The following RPRD2 variants were observed in gnomAD, a reference collection of about 807,000 sequenced individuals.
RPRD2 encodes the protein regulation of nuclear pre-mRNA domain-containing protein 2.
A neutral mutation model predicts 104.4 loss-of-function variants in RPRD2; 12 were observed. The observed-to-expected ratio is 0.11, with a 90% CI of 0.07 to 0.19. RPRD2 has a LOEUF of 0.19. Ranked by LOEUF, RPRD2 falls within the 10% of genes least tolerant of loss-of-function variation. RPRD2 has a pLI of 1.00. For missense variants in RPRD2, 1,543 were observed against 1,790.1 expected (o/e 0.86, Z 2.49); for synonymous variants, 714 against 684.9 (o/e 1.04, Z -0.66).
chr1:150,440,120 A>G lies in RPRD2; in HGVS notation c.336-803A>G, dbSNP rs61817549. ...GCCACCACATGTGGCTAATTTTTTC[A>G]TTTTTAGTAGAGATAAGGTCTCTCT... On this transcript the variant is annotated intron_variant, in intron 2 of 10. Transcript: ENST00000369068. Among the ~76,000 whole-genome samples, 1,031 of 152,144 alleles carry G rather than the reference A, an allele frequency of 6.8e-3. 3 individuals are homozygous for G. The highest frequency in any genetic ancestry group is 0.012 in the Admixed American group (186 of 15,270).
chr1:150,383,544 T>G (rs1553881221), intron 1 of RPRD2, among the ~76,000 whole-genome samples: 3 of 152,014 alleles, frequency 2.0e-5, no homozygotes, highest in African/African-American at 7.2e-5. Context: ...CTTGAACTCC[T>G]GACCTCAGGT....
At chr1:150,417,489 A>AAAAAAAAATACCATGTAAG (rs1553888786) in intron 1 of RPRD2, 107 bp from the exon 2 acceptor site, 1 of 129,214 alleles carries the variant, frequency 7.7e-6, no homozygotes, top group Non-Finnish European at 1.3e-5. Context: ...TCCATGTAAG[A>AAAAAAAAATACCATGTAAG]AAAAAAAAAT....
rs769547651 is a variant in RPRD2 at position 150,473,110 on chromosome 1, G to A, written c.4162G>A (p.Gly1388Arg). 18 of 1,613,890 alleles carry A rather than the reference G, an allele frequency of 1.1e-5. No individual in the cohort carries two copies. The highest frequency in any genetic ancestry group is 1.5e-5 in the Non-Finnish European group (18 of 1,179,896). ...GGGCCCACCCCATGGAGGAGGAGGT[G>A]GGGGAGGCAGCAACAGCAGCAGTGG... ...HLGPPHGGGG[G>R]GGSNSSSGPP... The change falls in exon 11 of 11, where the codon GGG becomes AGG. Residue 1388 changes from glycine (G) to arginine (R), a missense_variant. This residue lies in a region of RPRD2 where 880 missense variants were observed against 885.6 expected (regional missense o/e 0.99). Transcript: ENST00000369068.
chr1:150,408,311 C>T (rs1206898992), intron 1 of RPRD2, among the ~76,000 whole-genome samples: 2 of 151,602 alleles, frequency 1.3e-5, no homozygotes, highest in Non-Finnish European at 2.9e-5. Context: ...ATTGCAGGTA[C>T]CCGCCACCAC....
intron 7 of RPRD2, among the ~76,000 whole-genome samples, chr1:150,449,945 A>C (rs1553896233): frequency 6.6e-6 from 1 of 151,910 alleles, no homozygotes; most frequent in Non-Finnish European, 1.5e-5. Context: ...GTCCTTTCTG[A>C]ATTTTCCATC....
At chr1:150,452,072 G>A (rs1350221816) in intron 7 of RPRD2, among the ~76,000 whole-genome samples, 9 of 149,848 alleles carry the variant, frequency 6.0e-5, no homozygotes, top group Admixed American at 2.0e-4. Context: ...AACCCAGGAG[G>A]CAGAGGTTGC....
intron 1 of RPRD2, among the ~76,000 whole-genome samples, chr1:150,389,122 G>A (rs1013826434): frequency 1.3e-5 from 2 of 151,994 alleles, no homozygotes; most frequent in East Asian, 1.9e-4. Flanking sequence ...CTGCAGCCTC[G>A]ACCTCTCGGG....
intron 1 of RPRD2, among the ~76,000 whole-genome samples, chr1:150,404,706 G>A (rs899406502): frequency 6.6e-6 from 1 of 152,126 alleles, no homozygotes; most frequent in African/African-American, 2.4e-5. Context: ...GTAGGCCTAA[G>A]CAGTACTCTT....
At chr1:150,395,829 A>G (rs1420285132) in intron 1 of RPRD2, among the ~76,000 whole-genome samples, 1 of 152,078 alleles carries the variant, frequency 6.6e-6, no homozygotes, top group Non-Finnish European at 1.5e-5. Context: ...TTTTCATATA[A>G]TGACTTCTTT....
In RPRD2 at chr1:150,471,255, A is replaced by G. The variant is rs1010754620; in HGVS notation, c.2307A>G (p.Ser769=). ...CCTCAACACCCAGCAGTACAAGATC[A>G]CCACCCCCTGGGAGAGATGAAAGCT... ...PGSSTPSSTR[S]PPPGRDESYP... The change falls in exon 11 of 11, where the codon TCA becomes TCG. Residue 769 remains serine, a synonymous_variant. Coordinates refer to ENST00000369068, the MANE Select transcript of RPRD2 (RefSeq NM_015203.5). The surrounding 1 kb of genome is among the most constrained non-coding windows in gnomAD (Gnocchi z 5.3). 5.0e-6 allele frequency: 8 copies of G among 1,613,676 alleles called. No homozygotes were observed. In the African/African-American group the frequency reaches 6.7e-5, roughly 13 times the overall value.
At chr1:150,453,335 T>C (rs781864989) in intron 7 of RPRD2, among the ~76,000 whole-genome samples, 1 of 152,194 alleles carries the variant, frequency 6.6e-6, no homozygotes, top group African/African-American at 2.4e-5. Flanking sequence ...CTGGCCTCAG[T>C]GTTTTTACTT....
chr1:150,373,306 G>A (rs1008730173), intron 1 of RPRD2, among the ~76,000 whole-genome samples: 2 of 151,850 alleles, frequency 1.3e-5, no homozygotes, highest in African/African-American at 4.8e-5. Flanking sequence ...GAGCCACCAC[G>A]CCTGGCACTC....
intron 1 of RPRD2, among the ~76,000 whole-genome samples, chr1:150,404,641 G>T (rs1398379707): frequency 6.6e-6 from 1 of 152,028 alleles, no homozygotes; most frequent in Non-Finnish European, 1.5e-5. Flanking sequence ...TTGAAATGGG[G>T]TCTCCCTATG....
chr1:150,409,685 T>G (rs1345366995), intron 1 of RPRD2, among the ~76,000 whole-genome samples: 2 of 147,228 alleles, frequency 1.4e-5, no homozygotes, highest in African/African-American at 4.9e-5. Context: ...GTCTTGCTCT[T>G]TCACCCAGGC....
intron 7 of RPRD2, among the ~76,000 whole-genome samples, chr1:150,455,330 C>T (rs939944118): frequency 3.9e-5 from 6 of 151,958 alleles, no homozygotes. Flanking sequence ...GGTGAAACCC[C>T]GTCTCTACTA....
At chr1:150,385,189 C>T (rs1171528264) in intron 1 of RPRD2, among the ~76,000 whole-genome samples, 8 of 151,994 alleles carry the variant, frequency 5.3e-5, no homozygotes, top group Middle Eastern at 3.2e-3. Context: ...GCTGGATGTG[C>T]GGTGGCTCAT....
At chr1:150,421,567 A>G (rs1257605701) in intron 2 of RPRD2, among the ~76,000 whole-genome samples, 3 of 152,176 alleles carry the variant, frequency 2.0e-5, no homozygotes, top group Non-Finnish European at 4.4e-5. Context: ...TATCAAATAT[A>G]TCTTAAAACA....
intron 1 of RPRD2, among the ~76,000 whole-genome samples, chr1:150,411,862 A>G (rs1294879971): frequency 6.6e-6 from 1 of 150,830 alleles, no homozygotes; most frequent in African/African-American, 2.5e-5. Flanking sequence ...GCGGTGGCTC[A>G]CGCCTGTAAT....
intron 8 of RPRD2, 25 bp from the exon 9 acceptor site, chr1:150,460,035 A>AT: frequency 6.2e-7 from 1 of 1,609,776 alleles, no homozygotes; most frequent in Non-Finnish European, 8.5e-7. Context: ...GTAGGATGTA[A>AT]TATCTCTTTT....
Sources: gnomAD v4.1 joint callset for allele counts (sites outside exome capture counted in the v4.1 genomes callset) on GRCh38, gnomAD v4.1.1 for gene constraint, gnomAD v4.1.1 regional missense constraint, Gnocchi (gnomAD v3.1) non-coding constraint, MANE v1.5 for transcripts, NCBI Gene and HGNC (gene_info 2026-07-23, HGNC 2026-07-21) for gene names.